The following STK24 variants were observed in gnomAD, a reference collection of about 807,000 sequenced individuals.
STK24 encodes serine/threonine kinase 24.
Under a neutral mutation model 55.6 loss-of-function variants are expected in STK24, and 21 were observed. The ratio of observed to expected loss-of-function variants is 0.38; its 90% CI spans 0.27 to 0.54. The LOEUF (loss-of-function observed/expected upper bound fraction) is 0.54, where lower values mean the gene tolerates loss of function less well. STK24 is among the 20% of genes least tolerant of loss of function. The pLI is 0.79. For missense variants in STK24, 383 were observed against 538.4 expected, an observed-to-expected ratio of 0.71 and a Z score of 2.86; for synonymous variants, 200 against 215.2, an observed-to-expected ratio of 0.93 and a Z score of 0.62.
At chr13:98,531,307 A>C (rs1447292987) in intron 1 of STK24, among the ~76,000 whole-genome samples, 1 of 152,232 alleles carries the variant, frequency 6.6e-6, no homozygotes, top group Non-Finnish European at 1.5e-5. Flanking sequence ...GGATATGTAC[A>C]GAAAAGGCCA....
chr13:98,525,863 G>A (rs1896412249), intron 1 of STK24, among the ~76,000 whole-genome samples: 1 of 152,250 alleles, frequency 6.6e-6, no homozygotes, highest in South Asian at 2.1e-4. Context: ...CCCATGCAGG[G>A]TCTGAATAGA....
intron 2 of STK24, among the ~76,000 whole-genome samples, chr13:98,518,307 T>A (rs1896139254): frequency 1.3e-5 from 2 of 152,200 alleles, no homozygotes; most frequent in Admixed American, 1.3e-4. Flanking sequence ...CCTTCTCACA[T>A]CAGAGCAGCT....
At position 98,474,873 on chromosome 13, in the gene STK24, G is replaced by T; in HGVS notation, c.545C>A (p.Thr182Asn). 1 of 1,614,088 alleles carries T rather than the reference G, an allele frequency of 6.2e-7. No homozygotes were observed. Among genetic ancestry groups the T allele is most frequent in the Non-Finnish European group, 8.5e-7 (1 of 1,179,978 alleles). ...TQIKRNTFVG[T>N]PFWMAPEVIK... ...GACCTCGGGTGCCATCCAGAATGGG[G>T]TGCCCACGAAGGTGTTCCTTTTGAT... Residue 182 changes from threonine to asparagine, a missense_variant, in exon 5 of 11, where the codon ACC becomes AAC. Transcript: ENST00000539966.
chr13:98,563,423 A>G (rs1469974364), intron 1 of STK24, among the ~76,000 whole-genome samples: 1 of 152,228 alleles, frequency 6.6e-6, no homozygotes, highest in African/African-American at 2.4e-5. Flanking sequence ...GAATGACACA[A>G]GTTGTTTTAG....
chr13:98,461,035 C>A (rs1278256847), intron 8 of STK24, among the ~76,000 whole-genome samples: 6 of 140,742 alleles, frequency 4.3e-5, no homozygotes, highest in Non-Finnish European at 7.8e-5. Context: ...GCAACAGAGA[C>A]CCCGTCTCAA....
At position 98,448,506 on chromosome 13, in the gene STK24, A is replaced by C. The variant is rs1594555705; in HGVS notation, c.*4667T>G. Reference sequence around the variant, plus strand: ...CAGCGTCTGAATGAACAGCGCTCCCACCTCCAGTCCTGGCATCCGCTGGGG... The same window carrying C: ...CAGCGTCTGAATGAACAGCGCTCCCCCCTCCAGTCCTGGCATCCGCTGGGG... On this transcript the variant is annotated 3_prime_UTR_variant, in exon 11 of 11. Coordinates refer to ENST00000539966, the MANE Select transcript of STK24 (RefSeq NM_001032296.4). 3.4e-6 allele frequency: 2 copies of C among 583,870 alleles called. No individual in the cohort carries two copies. Among genetic ancestry groups the C allele is most frequent in the Middle Eastern group, 4.2e-4 (1 of 2,376 alleles). 36.2% of individuals were successfully genotyped at this position (583,870 alleles called of 1,614,324 possible). A position where few individuals can be genotyped will look rare whatever the true frequency, so the allele number is the denominator to read the frequency against.
intron 2 of STK24, among the ~76,000 whole-genome samples, chr13:98,482,785 C>A (rs1343586117): frequency 6.6e-6 from 1 of 152,182 alleles, no homozygotes; most frequent in Admixed American, 6.5e-5. Flanking sequence ...GCGCCCCCCA[C>A]CCCCTACCGT....
chr13:98,551,629 C>T (rs79314081), intron 1 of STK24, among the ~76,000 whole-genome samples: 2,405 of 152,202 alleles, frequency 0.016, 57 homozygotes, highest in African/African-American at 0.054. Context: ...ATGCCCTCTA[C>T]CCACCAGCAC....
chr13:98,526,552 T>G (rs796779553), intron 1 of STK24, among the ~76,000 whole-genome samples: 1 of 152,226 alleles, frequency 6.6e-6, no homozygotes, highest in Non-Finnish European at 1.5e-5. Flanking sequence ...AGCAAGCTCC[T>G]GTCTCCTCAC....
chr13:98,460,727 C>T (rs371198463), intron 8 of STK24, among the ~76,000 whole-genome samples: 1 of 152,268 alleles, frequency 6.6e-6, no homozygotes, highest in South Asian at 2.1e-4. Flanking sequence ...TGAACTGCCT[C>T]GTCTTGCTAT....
chr13:98,487,380 T>G (rs1438368104), intron 2 of STK24, among the ~76,000 whole-genome samples: 1 of 152,208 alleles, frequency 6.6e-6, no homozygotes, highest in Non-Finnish European at 1.5e-5. Flanking sequence ...GTGATACAAT[T>G]TTCTCATCAG....
chr13:98,448,133 C>A lies in STK24; in HGVS notation c.*5040G>T, dbSNP rs1892972116. The stretch of plus-strand genomic sequence containing the variant: ...TCTGCTGAAGTGGCAGATTACCAAC[C>A]AGGCGGCCTGACTTCACCTTGTGTT... On this transcript the variant is annotated 3_prime_UTR_variant, in exon 11 of 11. Transcript: ENST00000539966. 1.1e-6 allele frequency: 1 copy of A among 948,926 alleles called. No individual in the cohort carries two copies. The highest frequency in any genetic ancestry group is 1.4e-5 in the South Asian group (1 of 73,656). The allele number at this position is 948,926 out of a possible 1,614,324, so 58.8% of individuals were successfully genotyped here.
chr13:98,518,996 C>T (rs1251032068), intron 2 of STK24, among the ~76,000 whole-genome samples: 2 of 152,218 alleles, frequency 1.3e-5, no homozygotes, highest in Non-Finnish European at 2.9e-5. Context: ...GACAAAGTCC[C>T]ACCAGAAATA....
In STK24 at chr13:98,446,647, C is replaced by CT; in HGVS notation, c.*6525dup. The CT allele has an allele frequency of 6.2e-7, 1 of 1,612,990 alleles. No homozygotes were observed. Among genetic ancestry groups the CT allele is most frequent in the Non-Finnish European group, 8.5e-7 (1 of 1,179,126 alleles). ...AAGCTGACCCCGAAAAGCCACTTTG[C>CT]TTTGTTTCCCCTTTCCAGGACAATC... On this transcript the variant is annotated 3_prime_UTR_variant, in exon 11 of 11. Coordinates refer to ENST00000539966, the MANE Select transcript of STK24 (RefSeq NM_001032296.4).
At chr13:98,477,758 C>CA (rs1381089198) in intron 3 of STK24, among the ~76,000 whole-genome samples, 4 of 152,096 alleles carry the variant, frequency 2.6e-5, no homozygotes, top group African/African-American at 9.6e-5. Context: ...AGCCGACGAT[C>CA]AATACCTGTG....
At chr13:98,454,176 C>T (rs956990684) in intron 10 of STK24, 1 of 152,152 alleles carries the variant, frequency 6.6e-6, no homozygotes, top group African/African-American at 2.4e-5. Flanking sequence ...AGTTTATGAC[C>T]TGGTATGACA....
chr13:98,576,641 G>C (rs1897904058), intron 1 of STK24, 104 bp downstream of exon 1: 2 of 1,021,804 alleles, frequency 2.0e-6, no homozygotes, highest in East Asian at 7.5e-5. Context: ...AGGCTCCGGC[G>C]CGACCCCGGC....
intron 2 of STK24, among the ~76,000 whole-genome samples, chr13:98,507,249 A>G (rs79762442): frequency 0.01 from 1,544 of 152,360 alleles, 24 homozygotes; most frequent in African/African-American, 0.034. Context: ...AGTACTTAAG[A>G]GGACAACCGT....
chr13:98,494,612 G>A (rs1039644265), intron 2 of STK24, among the ~76,000 whole-genome samples: 5 of 152,054 alleles, frequency 3.3e-5, no homozygotes, highest in Non-Finnish European at 7.4e-5. Context: ...TCTGTTCAAC[G>A]CTTGATTGTC....
Sources: allele counts gnomAD v4.1 joint callset (sites outside exome capture counted in the v4.1 genomes callset), GRCh38; gene constraint gnomAD v4.1.1; transcripts MANE v1.5; gene names NCBI Gene and HGNC (gene_info 2026-07-23, HGNC 2026-07-21).